Variants in MORC1 observed in about 807,000 individuals in gnomAD.
MORC1 encodes MORC family CW-type zinc finger protein 1.
Under a neutral mutation model 134.9 loss-of-function variants are expected in MORC1, and 59 were observed. The ratio of observed to expected loss-of-function variants is 0.44; its 90% confidence interval spans 0.35 to 0.54. MORC1 has a LOEUF of 0.54. MORC1 is among the 20% of genes least tolerant of loss of function. The pLI, the probability that MORC1 is intolerant of heterozygous loss-of-function variation, is 0.00. For synonymous variants in MORC1, 395 were observed against 391.7 expected, an observed-to-expected ratio of 1.01 and a Z score of -0.10; for missense variants, 947 against 1,134.5, an observed-to-expected ratio of 0.83 and a Z score of 2.37.
At chr3:109,038,841 C>A (rs950787498) in intron 14 of MORC1, among the ~76,000 whole-genome samples, 22 of 152,178 alleles carry the variant, frequency 1.4e-4, no homozygotes, top group Middle Eastern at 3.4e-3. Context: ...GTTACTGTAG[C>A]CTTGTAGTAT....
chr3:109,008,929 G>T (rs1464241165), intron 17 of MORC1, among the ~76,000 whole-genome samples: 1 of 152,078 alleles, frequency 6.6e-6, no homozygotes, highest in East Asian at 1.9e-4. Context: ...TGAGGCAAAC[G>T]TCAAACTACT....
At chr3:109,011,356 T>C (rs149788298) in intron 17 of MORC1, among the ~76,000 whole-genome samples, 8 of 152,340 alleles carry the variant, frequency 5.3e-5, no homozygotes, top group Admixed American at 2.0e-4. Context: ...AGTGAGTGTG[T>C]AGTGGTTATC....
At chr3:109,027,980 C>T (rs376415681) in intron 16 of MORC1, 91 bp from the exon 17 acceptor site, 2 of 1,359,284 alleles carry the variant, frequency 1.5e-6, no homozygotes, top group Non-Finnish European at 9.9e-7. Context: ...CAAGGAGTTA[C>T]TCTTTATGTC....
At chr3:109,110,851 T>G (rs1951150474) in intron 2 of MORC1, 68 bp from the exon 3 acceptor site, 1 of 1,196,406 alleles carries the variant, frequency 8.4e-7, no homozygotes, top group Non-Finnish European at 1.2e-6. Context: ...TATAACCTAT[T>G]GTCAGATATC....
At position 109,041,943 on chromosome 3, in the gene MORC1, CA is replaced by C. The variant is rs563306121; in HGVS notation, c.1331-6476del. On this transcript the variant is annotated intron_variant, in intron 14 of 27. Coordinates refer to ENST00000232603, the MANE Select transcript of MORC1 (RefSeq NM_014429.4). ...TGGGCAACAGAGTGAGACTCCATCTCAAAAAAAAAAAAATTGAATAAAAGTG... is the reference window on the plus strand; with the variant it reads ...TGGGCAACAGAGTGAGACTCCATCTCAAAAAAAAAAAATTGAATAAAAGTG... Among the ~76,000 whole-genome samples, 231 of 132,096 alleles carry C rather than the reference CA, an allele frequency of 1.7e-3. 1 individual carries two copies. The highest frequency in any genetic ancestry group is 4.0e-3 in the African/African-American group (145 of 36,256). 86.7% of individuals were successfully genotyped at this position (132,096 alleles called of 152,430 possible). A position where few individuals can be genotyped will look rare whatever the true frequency, so the allele number is the denominator to read the frequency against.
intron 1 of MORC1, among the ~76,000 whole-genome samples, chr3:109,117,163 C>T: frequency 6.6e-6 from 1 of 152,164 alleles, no homozygotes; most frequent in Admixed American, 6.5e-5. Context: ...TGAGTATCTG[C>T]TGAATATTGC....
chr3:109,043,036 A>G (rs780727270), intron 14 of MORC1, among the ~76,000 whole-genome samples: 8 of 152,094 alleles, frequency 5.3e-5, no homozygotes, highest in Non-Finnish European at 1.0e-4. Flanking sequence ...ACAATATGTT[A>G]TGTACTTGAA....
At chr3:109,105,587 G>A (rs1249071387) in intron 3 of MORC1, among the ~76,000 whole-genome samples, 1 of 151,666 alleles carries the variant, frequency 6.6e-6, no homozygotes, top group Non-Finnish European at 1.5e-5. Context: ...GCTGGAACAG[G>A]AGGATCACTT....
chr3:109,028,349 C>T (rs550659470), intron 16 of MORC1, among the ~76,000 whole-genome samples: 8 of 152,180 alleles, frequency 5.3e-5, no homozygotes, highest in South Asian at 2.1e-4. Context: ...TGTGAAGACC[C>T]GTGACTACCC....
At chr3:109,098,584 C>T (rs747840347) in intron 6 of MORC1, among the ~76,000 whole-genome samples, 2 of 152,200 alleles carry the variant, frequency 1.3e-5, no homozygotes, top group Non-Finnish European at 2.9e-5. Context: ...AAGTTGTACT[C>T]TCTCCATAAA....
At chr3:109,075,011 C>CA (rs1184298302) in intron 8 of MORC1, among the ~76,000 whole-genome samples, 4 of 152,170 alleles carry the variant, frequency 2.6e-5, no homozygotes, top group African/African-American at 7.2e-5. Context: ...GATGGCATAT[C>CA]AACCTAGAGT....
intron 2 of MORC1, 34 bp from the exon 3 acceptor site, chr3:109,110,817 A>T: frequency 6.6e-7 from 1 of 1,509,256 alleles, no homozygotes; most frequent in Non-Finnish European, 9.0e-7. Context: ...TTTCTTCAAT[A>T]TGAAATGAAT....
chr3:109,095,560 C>T (rs1000500032), intron 6 of MORC1, among the ~76,000 whole-genome samples: 5 of 152,142 alleles, frequency 3.3e-5, no homozygotes, highest in African/African-American at 9.7e-5. Context: ...CTCCTCAACC[C>T]CCAGGGTCTG....
chr3:109,107,108 T>A (rs1222535996), intron 3 of MORC1, among the ~76,000 whole-genome samples: 1 of 152,188 alleles, frequency 6.6e-6, no homozygotes, highest in Non-Finnish European at 1.5e-5. Context: ...TTGCTGCACA[T>A]AATGCCCTTC....
intron 27 of MORC1, among the ~76,000 whole-genome samples, chr3:108,960,902 A>T (rs1285649460): frequency 6.6e-6 from 1 of 152,224 alleles, no homozygotes; most frequent in Non-Finnish European, 1.5e-5. Flanking sequence ...GGACTCTTAG[A>T]TCTTTAGAGA....
At chr3:109,037,509 G>A (rs1342562998) in intron 14 of MORC1, among the ~76,000 whole-genome samples, 1 of 152,172 alleles carries the variant, frequency 6.6e-6, no homozygotes, top group Non-Finnish European at 1.5e-5. Context: ...TGTTACGTAG[G>A]CATACATGTG....
intron 14 of MORC1, chr3:109,049,170 T>C: frequency 1.0e-6 from 1 of 984,954 alleles, no homozygotes; most frequent in Middle Eastern, 5.2e-4. Flanking sequence ...ATTTTCCTGG[T>C]AGTCCCTTTC....
intron 14 of MORC1, 79 bp from the exon 15 acceptor site, chr3:109,035,547 T>C (rs1949360721): frequency 3.5e-6 from 3 of 866,000 alleles, no homozygotes; most frequent in Admixed American, 3.0e-5. Flanking sequence ...GAAGTTTGTA[T>C]ATACAATATG....
At chr3:109,114,328 A>G (rs373174151) in intron 2 of MORC1, 56 bp downstream of exon 2, 52 of 1,427,828 alleles carry the variant, frequency 3.6e-5, no homozygotes, top group Non-Finnish European at 4.8e-5. Context: ...ATGTAATTAG[A>G]CAAGAGTTAT....
Sources: allele counts gnomAD v4.1 joint callset (sites outside exome capture counted in the v4.1 genomes callset), GRCh38; gene constraint gnomAD v4.1.1; transcripts MANE v1.5; gene names NCBI Gene and HGNC (gene_info 2026-07-23, HGNC 2026-07-21).